Variants in ZBTB34 observed in about 807,000 individuals in gnomAD.
The protein encoded by ZBTB34 is zinc finger and BTB domain containing 34.
In ZBTB34, 1 loss-of-function variant was observed where a neutral mutation model predicts 33.4. The ratio of observed to expected loss-of-function variants is 0.03; its 90% CI spans 0.01 to 0.14. The LOEUF is 0.14. Among genes scored for constraint, ZBTB34 ranks in the 10% least tolerant of loss-of-function variants. The pLI, the probability that ZBTB34 is intolerant of heterozygous loss-of-function variation, is 1.00. For missense variants in ZBTB34, 406 were observed against 657.2 expected (o/e 0.62, Z 4.18); for synonymous variants, 283 against 253.5 (o/e 1.12, Z -1.11).
At chr9:126,861,992 C>T (rs571010947) in intron 1 of ZBTB34, among the ~76,000 whole-genome samples, 1 of 152,216 alleles carries the variant, frequency 6.6e-6, no homozygotes, top group African/African-American at 2.4e-5. Context: ...GGCACACTTA[C>T]AGTCTCCAGG....
intron 1 of ZBTB34, among the ~76,000 whole-genome samples, chr9:126,865,450 T>C (rs1407883202): frequency 1.3e-5 from 2 of 152,214 alleles, no homozygotes; most frequent in African/African-American, 2.4e-5. Context: ...AGCTTTTACA[T>C]TTTTACTTTT....
chr9:126,865,021 TGAG>T (rs887611644), intron 1 of ZBTB34, among the ~76,000 whole-genome samples: 5 of 152,198 alleles, frequency 3.3e-5, no homozygotes, highest in African/African-American at 7.2e-5. Flanking sequence ...GCATCTTGAT[TGAG>T]AATAATGGGT....
At chr9:126,871,955 A>T (rs1564222578) in intron 1 of ZBTB34, among the ~76,000 whole-genome samples, 2 of 144,356 alleles carry the variant, frequency 1.4e-5, no homozygotes, top group Non-Finnish European at 3.1e-5. Context: ...GTCTCTACAA[A>T]TTTTTTTTTT....
At chr9:126,873,020 T>G (rs1225093229) in intron 1 of ZBTB34, among the ~76,000 whole-genome samples, 1 of 152,204 alleles carries the variant, frequency 6.6e-6, no homozygotes, top group East Asian at 1.9e-4. Context: ...CAGTTGTACA[T>G]TCTATTTCAG....
At position 126,879,858 on chromosome 9, in the gene ZBTB34, C is replaced by T. The variant is rs117557953; in HGVS notation, c.459C>T (p.Asn153=). ...CTGAAGAGAATCCCGAGAGTCGAAACGGAGTGAAAGACAGCAGCTTCTTTG... is the reference window on the plus strand; with the variant it reads ...CTGAAGAGAATCCCGAGAGTCGAAATGGAGTGAAAGACAGCAGCTTCTTTG... Residue 153 remains asparagine, a synonymous_variant, in exon 2 of 2, where the codon AAC becomes AAT. Transcript: ENST00000319119. The surrounding 1 kb of genome is among the most constrained non-coding windows in gnomAD (Gnocchi z 6.4). The T allele has an allele frequency of 5.6e-6, 9 of 1,613,018 alleles. No individual in the cohort carries two copies. The highest frequency in any genetic ancestry group is 5.0e-5 in the Admixed American group (3 of 60,000).
At chr9:126,883,011 C>T (rs1392667347) in exon 2 of ZBTB34, 3 of 166,886 alleles carry the variant, frequency 1.8e-5, no homozygotes, top group Non-Finnish European at 4.4e-5. Context: ...TAGTATATGC[C>T]TTTTTCCTCG....
intron 1 of ZBTB34, among the ~76,000 whole-genome samples, chr9:126,877,148 CTT>C (rs2033373605): frequency 6.6e-6 from 1 of 152,148 alleles, no homozygotes; most frequent in African/African-American, 2.4e-5. Context: ...AAGGCACTGA[CTT>C]TTCCTGTTAC....
Position 126,877,054 on chromosome 9 carries a change from A to ACTG in ZBTB34, c.-10-2336_-10-2335insCTG, listed in dbSNP as rs1429606663. Among the ~76,000 whole-genome samples, 11 of 152,282 alleles carry ACTG rather than the reference A, an allele frequency of 7.2e-5. No individual in the cohort carries two copies. In the East Asian group the frequency reaches 2.1e-3, roughly 29 times the overall value. On this transcript the variant is annotated intron_variant, in intron 1 of 1. Coordinates refer to ENST00000319119, the Ensembl canonical transcript of ZBTB34. ...AGTTATTTTCCTACTGTCTTTGGGC[A>ACTG]TCATTTGTTTTTCCTTTTCTGACCT...
At chr9:126,882,678 AAAAC>A (rs1312531760) in exon 2 of ZBTB34, 2 of 167,216 alleles carry the variant, frequency 1.2e-5, no homozygotes, top group East Asian at 1.9e-4. Flanking sequence ...ACCTAAAAGA[AAAAC>A]GAACGAAGGA....
chr9:126,872,750 A>T (rs2033297371), intron 1 of ZBTB34, among the ~76,000 whole-genome samples: 1 of 152,164 alleles, frequency 6.6e-6, no homozygotes, highest in African/African-American at 2.4e-5. Flanking sequence ...CTTCTTGTTC[A>T]AGAGTGTGGC....
chr9:126,867,907 A>G (rs865981672), intron 1 of ZBTB34, among the ~76,000 whole-genome samples: 3 of 152,128 alleles, frequency 2.0e-5, no homozygotes, highest in African/African-American at 7.2e-5. Flanking sequence ...TGAAAATTCA[A>G]AGGAGCTGTG....
At chr9:126,865,509 A>G (rs1051645866) in intron 1 of ZBTB34, among the ~76,000 whole-genome samples, 2 of 152,214 alleles carry the variant, frequency 1.3e-5, no homozygotes, top group African/African-American at 4.8e-5. Context: ...TATCCAAGAA[A>G]GTTGTAGAGG....
At chr9:126,876,822 A>G (rs188004709) in intron 1 of ZBTB34, among the ~76,000 whole-genome samples, 5 of 152,352 alleles carry the variant, frequency 3.3e-5, no homozygotes, top group Admixed American at 2.6e-4. Context: ...ATTGATTTCA[A>G]TCATAAATCT....
At position 126,868,238 on chromosome 9, in the gene ZBTB34, G is replaced by A. The variant is rs551133999; in HGVS notation, c.-11+7499G>A. ...CCTCTTGCTGTCCTGATGCATGGGC[G>A]CAGTGATGGATTCTGTAGCTTTTTT... On this transcript the variant is annotated intron_variant, in intron 1 of 1. Coordinates refer to ENST00000319119, the Ensembl canonical transcript of ZBTB34. Among the ~76,000 whole-genome samples the A allele has an allele frequency of 2.8e-4, 43 of 152,282 alleles. 1 individual carries two copies. In the South Asian group the frequency reaches 6.6e-3, roughly 24 times the overall value.
chr9:126,873,100 C>A (rs554559844), intron 1 of ZBTB34, among the ~76,000 whole-genome samples: 1 of 152,286 alleles, frequency 6.6e-6, no homozygotes, highest in East Asian at 1.9e-4. Flanking sequence ...AAGCCTGAAC[C>A]CACCTTCCTT....
chr9:126,873,976 C>A (rs959555509), intron 1 of ZBTB34, among the ~76,000 whole-genome samples: 4 of 149,872 alleles, frequency 2.7e-5, no homozygotes, highest in African/African-American at 9.9e-5. Context: ...TACATAGTCG[C>A]GTTTTTCAGT....
At chr9:126,871,699 G>A (rs895338023) in intron 1 of ZBTB34, among the ~76,000 whole-genome samples, 1 of 152,110 alleles carries the variant, frequency 6.6e-6, no homozygotes, top group Non-Finnish European at 1.5e-5. Flanking sequence ...TTCTCTGAAA[G>A]AATACCCCAA....
intron 1 of ZBTB34, among the ~76,000 whole-genome samples, chr9:126,874,156 C>A (rs1298303944): frequency 6.7e-6 from 1 of 149,958 alleles, no homozygotes; most frequent in African/African-American, 2.5e-5. Flanking sequence ...AGTCTCCTGC[C>A]TCAGCCTCCC....
At chr9:126,869,483 A>G (rs1410667561) in intron 1 of ZBTB34, among the ~76,000 whole-genome samples, 2 of 152,170 alleles carry the variant, frequency 1.3e-5, no homozygotes, top group Non-Finnish European at 2.9e-5. Context: ...AAAGCTGGTC[A>G]CGGATGATGA....
Sources: allele counts gnomAD v4.1 joint callset (sites outside exome capture counted in the v4.1 genomes callset), GRCh38; gene constraint gnomAD v4.1.1; non-coding constraint Gnocchi (gnomAD v3.1); transcripts MANE v1.5; gene names NCBI Gene and HGNC (gene_info 2026-07-23, HGNC 2026-07-21).